HCN1: variants seen among roughly 807,000 people sequenced by gnomAD.
HCN1 encodes the protein potassium/sodium hyperpolarization-activated cyclic nucleotide-gated channel 1.
HCN1 carries 13 observed loss-of-function variants against 78.9 expected under a neutral mutation model. That is an observed-to-expected ratio of 0.16 (90% CI 0.11 to 0.26). The LOEUF (loss-of-function observed/expected upper bound fraction) is 0.26, where lower values mean the gene tolerates loss of function less well. Among genes scored for constraint, HCN1 ranks in the 10% least tolerant of loss-of-function variants. The probability of loss-of-function intolerance (pLI) is 1.00; values close to 1 mark genes in which losing one functional copy is unlikely to be tolerated. For missense variants in HCN1, 810 were observed against 1,154.3 expected, an observed-to-expected ratio of 0.70 and a Z score of 4.32; for synonymous variants, 552 against 455.5, an observed-to-expected ratio of 1.21 and a Z score of -2.70.
intron 4 of HCN1, among the ~76,000 whole-genome samples, chr5:45,362,520 C>T (rs910966111): frequency 2.6e-4 from 40 of 152,020 alleles, no homozygotes; most frequent in African/African-American, 9.7e-4. Flanking sequence ...TAAAGCTACT[C>T]TTTCACCTGT....
intron 5 of HCN1, among the ~76,000 whole-genome samples, chr5:45,308,291 CT>C (rs1284314488): frequency 6.6e-6 from 1 of 151,968 alleles, no homozygotes; most frequent in Non-Finnish European, 1.5e-5. Context: ...AAATAAATTT[CT>C]TTATAAATAA....
At chr5:45,265,666 T>C (rs13180087) in intron 7 of HCN1, among the ~76,000 whole-genome samples, 18,778 of 152,174 alleles carry the variant, frequency 0.12, 1,456 homozygotes, top group East Asian at 0.36. Context: ...GTCCTTACCT[T>C]TAATAAGAAT....
chr5:45,304,007 T>A (rs1253022228), intron 5 of HCN1, among the ~76,000 whole-genome samples, 168 bp from the exon 6 acceptor site: 9 of 152,188 alleles, frequency 5.9e-5, no homozygotes, highest in Non-Finnish European at 1.2e-4. Context: ...GATTATGTTT[T>A]ATTTTTATGT....
At chr5:45,372,372 A>C (rs1394483937) in intron 4 of HCN1, among the ~76,000 whole-genome samples, 129 of 109,050 alleles carry the variant, frequency 1.2e-3, no homozygotes, top group Non-Finnish European at 1.8e-3. Context: ...TATAAAACAT[A>C]TATATTATAT....
chr5:45,491,733 A>T lies in HCN1; in HGVS notation c.850-29726T>A, dbSNP rs1283877236. Among the ~76,000 whole-genome samples, 9 of 152,254 alleles carry T rather than the reference A, an allele frequency of 5.9e-5. No homozygotes were observed. The East Asian group carries it at 1.7e-3, about 29-fold the overall frequency. On this transcript the variant is annotated intron_variant, in intron 2 of 7. Coordinates refer to ENST00000303230, the MANE Select transcript of HCN1 (RefSeq NM_021072.4). ...TTATTTTAGCTGGAAAAATTAATGG[A>T]TTATTGTGAAGAGTGAATGAGAAAA...
intron 2 of HCN1, among the ~76,000 whole-genome samples, chr5:45,627,271 G>A (rs1745182914): frequency 6.6e-6 from 1 of 152,086 alleles, no homozygotes; most frequent in South Asian, 2.1e-4. Flanking sequence ...GTCACTAGAA[G>A]GCTTCACATC....
rs1359051224 is a variant in HCN1 at position 45,502,141 on chromosome 5, G to T, written c.850-40134C>A. Among the ~76,000 whole-genome samples, 6 of 151,956 alleles carry T rather than the reference G, an allele frequency of 3.9e-5. No individual in the cohort carries two copies. The South Asian group carries it at 6.2e-4, about 16-fold the overall frequency. ...AATTAAAATCCAAATGCATAGAAAA[G>T]AATTTTATGACATCTATACTTTATC... On this transcript the variant is annotated intron_variant, in intron 2 of 7. Coordinates refer to ENST00000303230, the MANE Select transcript of HCN1 (RefSeq NM_021072.4).
chr5:45,295,438 T>C (rs547590392), intron 6 of HCN1, among the ~76,000 whole-genome samples: 7 of 151,998 alleles, frequency 4.6e-5, no homozygotes. Flanking sequence ...CATTTCCTCA[T>C]ACTCTTTCTG....
intron 3 of HCN1, among the ~76,000 whole-genome samples, chr5:45,431,803 T>C (rs1467519815): frequency 2.6e-5 from 4 of 152,182 alleles, no homozygotes; most frequent in African/African-American, 9.7e-5. Context: ...GTACCTTTTT[T>C]TGTAGCGCCA....
In HCN1 at chr5:45,255,955, G is replaced by A. The variant is rs967086445; in HGVS notation, c.*5966C>T. The A allele has an allele frequency of 1.3e-5, 2 of 151,404 alleles. No individual in the cohort carries two copies. The highest frequency in any genetic ancestry group is 6.6e-5 in the Admixed American group (1 of 15,198). 9.4% of individuals were successfully genotyped at this position (151,404 alleles called of 1,614,324 possible). A position where few individuals can be genotyped will look rare whatever the true frequency, so the allele number is the denominator to read the frequency against. On this transcript the variant is annotated 3_prime_UTR_variant, in exon 8 of 8. Transcript: ENST00000303230. ...CCTGAATTCAATTATATAATCTATT[G>A]GAAACATAAAGTGGTCCTCTTTTGA... is the stretch of plus-strand genomic sequence containing the variant.
At chr5:45,508,070 C>A (rs1742343377) in intron 2 of HCN1, among the ~76,000 whole-genome samples, 1 of 152,062 alleles carries the variant, frequency 6.6e-6, no homozygotes, top group Admixed American at 6.6e-5. Flanking sequence ...AACAAAAGCA[C>A]TGAAAATTAA....
chr5:45,303,846 A>T lies in HCN1; in HGVS notation c.1378-7T>A. On this transcript the variant is annotated splice_polypyrimidine_tract_variant and splice_region_variant and intron_variant, in intron 5 of 7. Coordinates refer to ENST00000303230, the MANE Select transcript of HCN1 (RefSeq NM_021072.4). Reference sequence around the variant, plus strand: ...AGTTGAAGTTGACTATCTCCTAAAGATGTCAAGAGTAAACAAATATTAAGA... The same window carrying T: ...AGTTGAAGTTGACTATCTCCTAAAGTTGTCAAGAGTAAACAAATATTAAGA... 6.2e-7 allele frequency: 1 copy of T among 1,610,230 alleles called. No homozygotes were observed.
intron 6 of HCN1, among the ~76,000 whole-genome samples, chr5:45,281,311 C>T (rs996480819): frequency 6.6e-6 from 1 of 151,888 alleles, no homozygotes; most frequent in Non-Finnish European, 1.5e-5. Context: ...TTACTTCCCC[C>T]TTCTCTCTCT....
intron 1 of HCN1, among the ~76,000 whole-genome samples, chr5:45,660,800 A>G (rs1479277774): frequency 1.5e-3 from 201 of 134,730 alleles, no homozygotes; most frequent in African/African-American, 5.2e-3. Context: ...CCAGATTCAT[A>G]AAGCAAGTCC....
chr5:45,518,906 A>G (rs192457904), intron 2 of HCN1, among the ~76,000 whole-genome samples: 58 of 152,062 alleles, frequency 3.8e-4, no homozygotes, highest in Non-Finnish European at 7.1e-4. Flanking sequence ...TTCATATAAG[A>G]TCTCAGCAGC....
intron 4 of HCN1, among the ~76,000 whole-genome samples, chr5:45,357,544 T>C (rs1322978486): frequency 6.6e-6 from 1 of 152,084 alleles, no homozygotes; most frequent in Non-Finnish European, 1.5e-5. Flanking sequence ...ACTTTTAATA[T>C]TTTTAGTTTA....
At chr5:45,272,276 G>A (rs1744974831) in intron 6 of HCN1, among the ~76,000 whole-genome samples, 1 of 151,706 alleles carries the variant, frequency 6.6e-6, no homozygotes, top group Non-Finnish European at 1.5e-5. Context: ...GGGGATGGGG[G>A]GTGTTTAAAT....
At chr5:45,611,109 GGC>G (rs1290634231) in intron 2 of HCN1, among the ~76,000 whole-genome samples, 12 of 150,036 alleles carry the variant, frequency 8.0e-5, no homozygotes, top group Non-Finnish European at 1.6e-4. Flanking sequence ...GCAGAGCACT[GGC>G]ATGATCTTGG....
rs79180041 is a variant in HCN1 at position 45,669,226 on chromosome 5, A to G, written c.426-23618T>C. ...TAAAAAACTAACTTGGGGAAGGCAA[A>G]GAAGAAGAGATGGAGTCAGGAGTCT... On this transcript the variant is annotated intron_variant, in intron 1 of 7. Transcript: ENST00000303230. 2.8e-3 allele frequency among the ~76,000 whole-genome samples: 426 copies of G among 151,982 alleles called. 2 individuals carry two copies. The highest frequency in any genetic ancestry group is 9.9e-3 in the African/African-American group (412 of 41,510).
Sources: allele counts gnomAD v4.1 joint callset (sites outside exome capture counted in the v4.1 genomes callset), GRCh38; gene constraint gnomAD v4.1.1; transcripts MANE v1.5; gene names NCBI Gene and HGNC (gene_info 2026-07-23, HGNC 2026-07-21).